ZFC3H1: variants seen among roughly 807,000 people sequenced by gnomAD.
The protein encoded by ZFC3H1 is zinc finger C3H1-type containing.
In ZFC3H1, 71 loss-of-function variants were observed where a neutral mutation model predicts 243.7. That is an observed-to-expected ratio of 0.29 (90% confidence interval 0.24 to 0.36). The LOEUF (loss-of-function observed/expected upper bound fraction) is 0.36, where lower values mean the gene tolerates loss of function less well. Ranked by LOEUF, ZFC3H1 falls within the 10% of genes least tolerant of loss-of-function variation. The probability of loss-of-function intolerance (pLI) is 1.00; values close to 1 mark genes in which losing one functional copy is unlikely to be tolerated. For missense variants in ZFC3H1, 1,966 were observed against 2,317.1 expected (o/e 0.85, Z 3.11); for synonymous variants, 838 against 813.0 (o/e 1.03, Z -0.52).
Position 71,634,249 on chromosome 12 carries a change from G to C in ZFC3H1, c.2416C>G (p.Pro806Ala), listed in dbSNP as rs748846301. ...TCAATTTCCACATCAGAGTTTGCTG[G>C]GGATGATGAACTTGTCTTCAGCTGA... ...SDQLKTSSSSPANSDVEIDGI... is the reference protein window; with the variant it reads ...SDQLKTSSSSAANSDVEIDGI... Residue 806 changes from proline (P) to alanine (A), a missense_variant, in exon 12 of 35, where the codon CCA (proline) becomes GCA (alanine). Physicochemically the swap from Pro to Ala is conservative, Grantham distance 27. This residue lies in a region of ZFC3H1 where 1,383 missense variants were observed against 1,723.7 expected (regional missense o/e 0.80). Transcript: ENST00000378743. The C allele has an allele frequency of 1.2e-6, 2 of 1,613,932 alleles. No individual in the cohort carries two copies. The highest frequency in any genetic ancestry group is 8.5e-7 in the Non-Finnish European group (1 of 1,179,920).
At chr12:71,610,621 ACAT>A in intron 34 of ZFC3H1, 56 bp from the exon 35 acceptor site, 1 of 1,612,170 alleles carries the variant, frequency 6.2e-7, no homozygotes, top group Non-Finnish European at 8.5e-7. Flanking sequence ...GAGCATTACC[ACAT>A]CAATGGATAT....
chr12:71,640,156 G>C (rs900271208), intron 6 of ZFC3H1, among the ~76,000 whole-genome samples: 5 of 152,130 alleles, frequency 3.3e-5, no homozygotes, highest in Non-Finnish European at 5.9e-5. Context: ...TGAGTAGCTG[G>C]GACTGCAGGG....
chr12:71,636,532 T>C lies in ZFC3H1; in HGVS notation c.2058A>G (p.Pro686=). The change falls in exon 9 of 35, where the codon CCA becomes CCG. Residue 686 remains proline, a synonymous_variant. Coordinates refer to ENST00000378743, the MANE Select transcript of ZFC3H1 (RefSeq NM_144982.5). ...NTVSQPRIQN[P]KFHRGPRLPR... is the part of the protein sequence containing the mutation. ...GAAGACGGGGTCCTCTGTGAAACTT[T>C]GGATTCTGTATCCTAGGCTGAGACA... 1 of 1,610,538 alleles carries C rather than the reference T, an allele frequency of 6.2e-7. No individual in the cohort carries two copies. Among genetic ancestry groups the C allele is most frequent in the African/African-American group, 1.3e-5 (1 of 74,798 alleles).
intron 18 of ZFC3H1, among the ~76,000 whole-genome samples, 180 bp downstream of exon 18, chr12:71,630,420 T>C (rs1405221166): frequency 1.3e-5 from 2 of 152,210 alleles, no homozygotes; most frequent in Non-Finnish European, 2.9e-5. Context: ...ATGTGGCTAG[T>C]GTAACAGAGG....
Position 71,626,353 on chromosome 12 carries a change from G to C in ZFC3H1, c.4224C>G (p.Leu1408=). 6.2e-7 allele frequency: 1 copy of C among 1,613,958 alleles called. No homozygotes were observed. The highest frequency in any genetic ancestry group is 1.3e-5 in the African/African-American group (1 of 74,972). ...KDNPEIWCHY[L]RLFSKRGTKD... is the part of the protein sequence containing the mutation. ...TGGTTCCTCTTTTTGAGAACAATCT[G>C]AGGTAATGGCACCAAATTTCTGGAT... Residue 1408 remains leucine, a synonymous_variant, in exon 22 of 35, where the codon CTC becomes CTG. Transcript: ENST00000378743.
chr12:71,649,160 T>C (rs1365296313), intron 2 of ZFC3H1, among the ~76,000 whole-genome samples: 1 of 151,440 alleles, frequency 6.6e-6, no homozygotes, highest in Non-Finnish European at 1.5e-5. Flanking sequence ...TATTTACTTA[T>C]GTGTGATTTG....
At position 71,624,311 on chromosome 12, in the gene ZFC3H1, TA is replaced by T. The variant is rs1880104744; in HGVS notation, c.4318-20del. The T allele has an allele frequency of 6.4e-7, 1 of 1,568,352 alleles. No homozygotes were observed. Among genetic ancestry groups the T allele is most frequent in the Non-Finnish European group, 8.6e-7 (1 of 1,158,006 alleles). On this transcript the variant is annotated intron_variant, in intron 22 of 34. Transcript: ENST00000378743. ...GTAGAAACTGCCCAAAGGGCCTTTA[TA>T]TTATTAATGTTGCCTTTCAGGAATA...
At chr12:71,637,894 C>G (rs1291557071) in intron 7 of ZFC3H1, among the ~76,000 whole-genome samples, 1 of 151,896 alleles carries the variant, frequency 6.6e-6, no homozygotes, top group East Asian at 1.9e-4. Context: ...CCTTTTTTTC[C>G]TTTTCCTTTT....
chr12:71,613,213 G>GT (rs753956020), intron 31 of ZFC3H1, 122 bp downstream of exon 31: 3 of 614,190 alleles, frequency 4.9e-6, no homozygotes, highest in Non-Finnish European at 7.8e-6. Context: ...AAATTAAGCA[G>GT]TATATATTCA....
chr12:71,639,978 G>C (rs1432122938), intron 6 of ZFC3H1, among the ~76,000 whole-genome samples: 1 of 152,086 alleles, frequency 6.6e-6, no homozygotes, highest in East Asian at 1.9e-4. Flanking sequence ...CCAGGCTAGA[G>C]TGCAGTTTTA....
At chr12:71,621,034 TTTAA>T (rs1880011745) in intron 24 of ZFC3H1, among the ~76,000 whole-genome samples, 1 of 152,222 alleles carries the variant, frequency 6.6e-6, no homozygotes, top group Non-Finnish European at 1.5e-5. Flanking sequence ...TTCCCTTCTT[TTTAA>T]TTTCTTCTTG....
chr12:71,624,377 A>G, intron 22 of ZFC3H1, 85 bp from the exon 23 acceptor site: 1 of 1,348,702 alleles, frequency 7.4e-7, no homozygotes, highest in East Asian at 2.3e-5. Flanking sequence ...TTAAGAAACC[A>G]TCTCATAGTA....
At chr12:71,628,703 C>A (rs1274445172) in intron 20 of ZFC3H1, among the ~76,000 whole-genome samples, 1 of 152,190 alleles carries the variant, frequency 6.6e-6, no homozygotes, top group Non-Finnish European at 1.5e-5. Flanking sequence ...CTTGCATTTA[C>A]TGGAGAGGAG....
At chr12:71,660,214 T>C (rs1167528645) in intron 1 of ZFC3H1, 1 of 152,196 alleles carries the variant, frequency 6.6e-6, no homozygotes, top group Non-Finnish European at 1.5e-5. Flanking sequence ...AGTGGAAATA[T>C]GAATTAAACT....
Sources: gnomAD v4.1 joint callset for allele counts (sites outside exome capture counted in the v4.1 genomes callset) on GRCh38, gnomAD v4.1.1 for gene constraint, gnomAD v4.1.1 regional missense constraint, MANE v1.5 for transcripts, NCBI Gene and HGNC (gene_info 2026-07-23, HGNC 2026-07-21) for gene names.